The following RP1 variants were observed in gnomAD, a reference collection of about 807,000 sequenced individuals.
The protein encoded by RP1 is oxygen-regulated protein 1.
In RP1, 16 loss-of-function variants were observed where a neutral mutation model predicts 14.8. The ratio of observed to expected loss-of-function variants is 1.08; its 90% CI spans 0.73 to 1.65. The LOEUF is 1.65. RP1 is among the 40% of genes most tolerant of loss of function. The pLI is 0.00. For synonymous variants in RP1, 876 were observed against 883.6 expected (o/e 0.99, Z 0.15); for missense variants, 2,631 against 2,535.0 (o/e 1.04, Z -0.81).
intron 4 of RP1, among the ~76,000 whole-genome samples, chr8:54,652,428 G>A (rs1049924031): frequency 7.9e-5 from 12 of 151,944 alleles, no homozygotes; most frequent in African/African-American, 2.9e-4. Context: ...TGTGTACTTG[G>A]AAAGACTGTT....
At chr8:54,845,867 G>T (rs1488874417) in intron 25 of RP1, among the ~76,000 whole-genome samples, 3 of 152,272 alleles carry the variant, frequency 2.0e-5, no homozygotes, top group Non-Finnish European at 2.9e-5. Flanking sequence ...CAACATCTTA[G>T]ACTAGGTTAG....
At chr8:54,691,555 T>C (rs570710858) in intron 12 of RP1, among the ~76,000 whole-genome samples, 3 of 152,032 alleles carry the variant, frequency 2.0e-5, no homozygotes, top group African/African-American at 4.8e-5. Context: ...TGAGTGGAGA[T>C]ACAGGTTTAG....
intron 21 of RP1, among the ~76,000 whole-genome samples, chr8:54,758,597 A>T (rs528855804): frequency 1.3e-5 from 2 of 152,272 alleles, no homozygotes; most frequent in Admixed American, 1.3e-4. Context: ...CTGATGCCCT[A>T]ATGAGCTGCT....
At chr8:54,781,461 GA>G (rs1585687076) in intron 23 of RP1, among the ~76,000 whole-genome samples, 1 of 152,070 alleles carries the variant, frequency 6.6e-6, no homozygotes. Context: ...ATATTCTTTT[GA>G]TTTTTTTGGC....
intron 24 of RP1, among the ~76,000 whole-genome samples, chr8:54,814,325 T>TC (rs1191152994): frequency 2.0e-5 from 3 of 152,216 alleles, no homozygotes; most frequent in Non-Finnish European, 4.4e-5. Flanking sequence ...AAAGTGGATA[T>TC]CTGCAGAGAA....
downstream of RP1, among the ~76,000 whole-genome samples, chr8:54,634,065 C>T (rs961290524): frequency 2.0e-5 from 3 of 152,138 alleles, no homozygotes; most frequent in African/African-American, 7.2e-5. Flanking sequence ...AAATGACTTT[C>T]TATTCCCTGT....
intron 1 of RP1, among the ~76,000 whole-genome samples, chr8:54,577,305 C>T (rs1245086066): frequency 7.2e-5 from 11 of 152,064 alleles, no homozygotes; most frequent in South Asian, 2.1e-4. Context: ...CGTGAGCTGC[C>T]GCACCTGGCT....
At chr8:54,594,850 T>C (rs550941114) in intron 1 of RP1, among the ~76,000 whole-genome samples, 1 of 152,244 alleles carries the variant, frequency 6.6e-6, no homozygotes, top group East Asian at 1.9e-4. Context: ...AAAAAGACCA[T>C]GTATGAGATT....
intron 19 of RP1, among the ~76,000 whole-genome samples, chr8:54,751,014 A>G (rs1440861374): frequency 6.6e-6 from 1 of 152,174 alleles, no homozygotes; most frequent in Non-Finnish European, 1.5e-5. Context: ...GCTCTTCACA[A>G]TAAATCTTGC....
At chr8:54,565,712 T>C (rs7827200) in intron 1 of RP1, among the ~76,000 whole-genome samples, 17,055 of 151,902 alleles carry the variant, frequency 0.11, 1,159 homozygotes, top group South Asian at 0.31. Flanking sequence ...AGAGCGGGGA[T>C]TGGGGGGATC....
intron 1 of RP1, among the ~76,000 whole-genome samples, chr8:54,606,385 G>A (rs1325178397): frequency 6.6e-6 from 1 of 151,522 alleles, no homozygotes; most frequent in African/African-American, 2.4e-5. Context: ...CTCTCTTCTG[G>A]CTTGTAGGGT....
chr8:54,772,200 A>G (rs1809926157), downstream of RP1, among the ~76,000 whole-genome samples: 1 of 152,082 alleles, frequency 6.6e-6, no homozygotes, highest in Non-Finnish European at 1.5e-5. Flanking sequence ...AAAACTAACT[A>G]CATTACTCAG....
exon 29 of RP1, chr8:54,869,963 C>G: frequency 9.2e-7 from 1 of 1,082,588 alleles, no homozygotes; most frequent in Non-Finnish European, 1.2e-6. Flanking sequence ...TTGGGCCTGT[C>G]GCTCCAATAT....
At chr8:54,805,595 A>T (rs2129390872) in intron 24 of RP1, among the ~76,000 whole-genome samples, 1 of 152,340 alleles carries the variant, frequency 6.6e-6, no homozygotes, top group Non-Finnish European at 1.5e-5. Context: ...CTGAGTTTAT[A>T]CAGCTGGAAA....
intron 1 of RP1, among the ~76,000 whole-genome samples, chr8:54,582,286 C>T (rs1261887125): frequency 6.6e-6 from 1 of 151,910 alleles, no homozygotes; most frequent in Non-Finnish European, 1.5e-5. Context: ...TTGTTTTTGT[C>T]AGGTTTGTCA....
chr8:54,669,954 C>G (rs1353593569), intron 7 of RP1, among the ~76,000 whole-genome samples: 2 of 152,066 alleles, frequency 1.3e-5, no homozygotes, highest in African/African-American at 4.8e-5. Flanking sequence ...GTGCAGCAAA[C>G]CAACATGGCA....
chr8:54,782,173 T>G (rs1438929801), intron 23 of RP1, among the ~76,000 whole-genome samples: 1 of 152,228 alleles, frequency 6.6e-6, no homozygotes, highest in Non-Finnish European at 1.5e-5. Flanking sequence ...TGCATGTTTC[T>G]TATTTTCCCA....
At chr8:54,590,806 C>G (rs1178950805) in intron 1 of RP1, among the ~76,000 whole-genome samples, 2 of 152,168 alleles carry the variant, frequency 1.3e-5, no homozygotes, top group Admixed American at 6.5e-5. Flanking sequence ...AGCCAACTGT[C>G]TACCTGACAC....
At chr8:54,742,805 G>C (rs1195247450) in intron 19 of RP1, among the ~76,000 whole-genome samples, 6 of 152,188 alleles carry the variant, frequency 3.9e-5, no homozygotes. Context: ...GAAGTCAATA[G>C]CATGGATGTG....
Sources: allele counts gnomAD v4.1 joint callset (sites outside exome capture counted in the v4.1 genomes callset), GRCh38; gene constraint gnomAD v4.1.1; transcripts MANE v1.5; gene names NCBI Gene and HGNC (gene_info 2026-07-23, HGNC 2026-07-21).